VTI1A: variants seen among roughly 807,000 people sequenced by gnomAD.
The protein encoded by VTI1A is vesicle transport through interaction with t-SNAREs homolog 1A.
In VTI1A, 22 loss-of-function variants were observed where a neutral mutation model predicts 34.9. The ratio of observed to expected loss-of-function variants is 0.63; its 90% CI spans 0.45 to 0.90. VTI1A has a LOEUF of 0.90. Ranked by LOEUF, VTI1A falls within the 40% of genes least tolerant of loss-of-function variation. VTI1A has a pLI of 0.00. For synonymous variants in VTI1A, 87 were observed against 97.3 expected, an observed-to-expected ratio of 0.89 and a Z score of 0.62; for missense variants, 268 against 275.6, an observed-to-expected ratio of 0.97 and a Z score of 0.20.
chr10:112,465,740 A>G (rs1847875573), intron 3 of VTI1A, among the ~76,000 whole-genome samples: 1 of 152,158 alleles, frequency 6.6e-6, no homozygotes, highest in African/African-American at 2.4e-5. Flanking sequence ...TCATGGGCAA[A>G]GAGTTTCAGT....
intron 2 of VTI1A, 50 bp from the exon 3 acceptor site, chr10:112,464,497 A>G (rs1167663161): frequency 6.7e-7 from 1 of 1,502,558 alleles, no homozygotes; most frequent in South Asian, 1.2e-5. Flanking sequence ...CATTTGTTCA[A>G]ATAAGAATAA....
At position 112,527,224 on chromosome 10, in the gene VTI1A, C is replaced by G. The variant is rs117517848; in HGVS notation, c.342+60C>G. 1,039 of 1,470,098 alleles carry G rather than the reference C, an allele frequency of 7.1e-4. 8 individuals are homozygous for G. In the Admixed American group the frequency reaches 0.01, roughly 14 times the overall value. 91.1% of individuals were successfully genotyped at this position (1,470,098 alleles called of 1,614,324 possible). ...TGGAGGGTGAAGGAGGTCACTGGCG[C>G]ACTGGGCTCTCAAGCTGCTCCTTAA... On this transcript the variant is annotated intron_variant, in intron 4 of 7. Transcript: ENST00000393077.
At chr10:112,639,400 T>TTG (rs1846481892) in intron 5 of VTI1A, among the ~76,000 whole-genome samples, 1 of 152,222 alleles carries the variant, frequency 6.6e-6, no homozygotes, top group African/African-American at 2.4e-5. Flanking sequence ...ATAGTTATTC[T>TTG]ATAACAGTGA....
chr10:112,754,707 C>T (rs1020124384), intron 7 of VTI1A, among the ~76,000 whole-genome samples: 5 of 152,142 alleles, frequency 3.3e-5, no homozygotes, highest in African/African-American at 1.2e-4. Flanking sequence ...TGTCTTTATG[C>T]CCTGGCAGCT....
At chr10:112,492,848 C>A (rs190747010) in intron 3 of VTI1A, among the ~76,000 whole-genome samples, 3 of 151,154 alleles carry the variant, frequency 2.0e-5, no homozygotes, top group Non-Finnish European at 4.4e-5. Context: ...TATAAATATA[C>A]AATTCAGTGA....
Position 112,666,805 on chromosome 10 carries a change from A to G in VTI1A, c.428-1413A>G, listed in dbSNP as rs894821486. Among the ~76,000 whole-genome samples the G allele has an allele frequency of 2.0e-5, 3 of 152,214 alleles. No individual in the cohort carries two copies. In the East Asian group the frequency reaches 5.8e-4, roughly 29 times the overall value. ...GTAGTCCAGTGATGTTCTTATATCA[A>G]TCAATTATCATTCAATAAATGCTTA... On this transcript the variant is annotated intron_variant, in intron 5 of 7. Coordinates refer to ENST00000393077, the MANE Select transcript of VTI1A (RefSeq NM_145206.4).
chr10:112,746,865 G>T (rs753619583), intron 7 of VTI1A, among the ~76,000 whole-genome samples: 2 of 152,172 alleles, frequency 1.3e-5, no homozygotes, highest in Non-Finnish European at 2.9e-5. Flanking sequence ...CTAGAAGGTT[G>T]CATGATAAAA....
intron 7 of VTI1A, among the ~76,000 whole-genome samples, chr10:112,771,952 C>A (rs6585187): frequency 0.15 from 22,259 of 152,178 alleles, 2,914 homozygotes; most frequent in African/African-American, 0.34. Context: ...TTTACCTATT[C>A]TTCAGCCAAT....
intron 1 of VTI1A, among the ~76,000 whole-genome samples, chr10:112,451,719 A>G (rs1023573417): frequency 2.6e-5 from 4 of 152,226 alleles, no homozygotes; most frequent in African/African-American, 7.2e-5. Flanking sequence ...AGCCACGTGT[A>G]GATGAAGGCA....
intron 7 of VTI1A, among the ~76,000 whole-genome samples, chr10:112,676,800 C>T (rs10885372): frequency 0.33 from 49,717 of 151,948 alleles, 8,396 homozygotes; most frequent in South Asian, 0.5. Context: ...TATCAACTCA[C>T]GTAACTAAAT....
intron 5 of VTI1A, among the ~76,000 whole-genome samples, chr10:112,620,633 T>C (rs1845697792): frequency 6.6e-6 from 1 of 151,762 alleles, no homozygotes; most frequent in African/African-American, 2.4e-5. Flanking sequence ...TCTACTAAAA[T>C]ACAAAAATAA....
intron 5 of VTI1A, among the ~76,000 whole-genome samples, chr10:112,620,657 G>A (rs1198341052): frequency 6.6e-6 from 1 of 152,062 alleles, no homozygotes; most frequent in Admixed American, 6.5e-5. Flanking sequence ...GGGCATGGTG[G>A]TGGGCGCCTG....
At chr10:112,656,208 T>C (rs1242528889) in intron 5 of VTI1A, among the ~76,000 whole-genome samples, 1 of 152,170 alleles carries the variant, frequency 6.6e-6, no homozygotes. Flanking sequence ...GCAAGGTGTG[T>C]TCAGGGCACT....
At chr10:112,765,639 T>G (rs575608815) in intron 7 of VTI1A, among the ~76,000 whole-genome samples, 55 of 152,324 alleles carry the variant, frequency 3.6e-4, no homozygotes, top group African/African-American at 1.3e-3. Flanking sequence ...GTTTCTGCCC[T>G]TAGTATAGTG....
intron 7 of VTI1A, among the ~76,000 whole-genome samples, chr10:112,771,775 A>G (rs1433256823): frequency 3.8e-4 from 58 of 152,190 alleles, no homozygotes; most frequent in Admixed American, 3.8e-3. Context: ...TAATCTGACC[A>G]TTTCATATAA....
chr10:112,657,870 G>A (rs1035411524), intron 5 of VTI1A, among the ~76,000 whole-genome samples: 13 of 152,020 alleles, frequency 8.6e-5, no homozygotes, highest in Non-Finnish European at 1.9e-4. Flanking sequence ...AAGATGTGTA[G>A]TATTAGGATG....
chr10:112,759,388 A>T (rs999740404), intron 7 of VTI1A, among the ~76,000 whole-genome samples: 1 of 152,196 alleles, frequency 6.6e-6, no homozygotes, highest in Non-Finnish European at 1.5e-5. Context: ...GTGTGGGTGG[A>T]TCACTTTCCT....
At chr10:112,819,398 A>C (rs1853608985), downstream of VTI1A, among the ~76,000 whole-genome samples, 1 of 152,110 alleles carries the variant, frequency 6.6e-6, no homozygotes, top group African/African-American at 2.4e-5. Flanking sequence ...CAGAGGAACC[A>C]CCGTGAGTCC....
intron 5 of VTI1A, among the ~76,000 whole-genome samples, chr10:112,551,163 G>A (rs1221630396): frequency 1.4e-5 from 2 of 144,204 alleles, no homozygotes; most frequent in Non-Finnish European, 3.0e-5. Context: ...AGAATGGTGT[G>A]AACCCGGCGA....
Sources: gnomAD v4.1 joint callset for allele counts (sites outside exome capture counted in the v4.1 genomes callset) on GRCh38, gnomAD v4.1.1 for gene constraint, MANE v1.5 for transcripts, NCBI Gene and HGNC (gene_info 2026-07-23, HGNC 2026-07-21) for gene names.